Variants in TMEM266 observed in about 807,000 individuals in gnomAD.
TMEM266 encodes the protein transmembrane protein 266.
Under a neutral mutation model 50.5 loss-of-function variants are expected in TMEM266, and 33 were observed. That is an observed-to-expected ratio of 0.65 (90% CI 0.50 to 0.87). TMEM266 has a LOEUF of 0.87. Among genes scored for constraint, TMEM266 ranks in the 40% least tolerant of loss-of-function variants. The probability of loss-of-function intolerance (pLI) is 0.00; values close to 1 mark genes in which losing one functional copy is unlikely to be tolerated. For synonymous variants in TMEM266, 310 were observed against 292.3 expected (o/e 1.06, Z -0.62); for missense variants, 655 against 695.1 (o/e 0.94, Z 0.65).
chr15:76,121,178 G>A (rs2037338595), intron 1 of TMEM266, among the ~76,000 whole-genome samples: 1 of 152,160 alleles, frequency 6.6e-6, no homozygotes, highest in Non-Finnish European at 1.5e-5. Flanking sequence ...CCTCAAGAGA[G>A]GATGGAGCAG....
intron 9 of TMEM266, among the ~76,000 whole-genome samples, chr15:76,198,576 C>G (rs1214626003): frequency 1.2e-4 from 18 of 152,232 alleles, no homozygotes; most frequent in Admixed American, 1.2e-3. Context: ...CTCCATGGCT[C>G]CCTGGAGTAG....
chr15:76,148,638 C>T (rs574338928), intron 3 of TMEM266, among the ~76,000 whole-genome samples: 1 of 152,308 alleles, frequency 6.6e-6, no homozygotes, highest in African/African-American at 2.4e-5. Flanking sequence ...CTTTGTCCCC[C>T]CAAGAAGGGA....
At chr15:76,193,480 G>GA (rs1172944510) in intron 9 of TMEM266, among the ~76,000 whole-genome samples, 1 of 152,268 alleles carries the variant, frequency 6.6e-6, no homozygotes, top group African/African-American at 2.4e-5. Flanking sequence ...CTCAGCCATG[G>GA]AAAGTGCTAG....
chr15:76,105,975 A>G (rs1412024877), intron 1 of TMEM266, among the ~76,000 whole-genome samples: 1 of 152,174 alleles, frequency 6.6e-6, no homozygotes, highest in Non-Finnish European at 1.5e-5. Flanking sequence ...GGAAAGATCA[A>G]AGGTGGCCTC....
intron 1 of TMEM266, among the ~76,000 whole-genome samples, chr15:76,067,651 A>T (rs1168488728): frequency 9.2e-5 from 1 of 10,860 alleles, no homozygotes; most frequent in Non-Finnish European, 2.0e-4. Context: ...AAAAAAAAAG[A>T]AAAGAAAAGA....
At chr15:76,072,591 G>A (rs1442069594) in intron 1 of TMEM266, among the ~76,000 whole-genome samples, 1 of 152,036 alleles carries the variant, frequency 6.6e-6, no homozygotes, top group Non-Finnish European at 1.5e-5. Context: ...CCAATGATGG[G>A]ATTGGGCTCT....
chr15:76,202,197 T>G lies in TMEM266; in HGVS notation c.959-5T>G, dbSNP rs778496959. The G allele has an allele frequency of 7.4e-6, 12 of 1,613,290 alleles. No homozygotes were observed. Among genetic ancestry groups the G allele is most frequent in the Admixed American group, 1.7e-5 (1 of 59,966 alleles). On this transcript the variant is annotated splice_polypyrimidine_tract_variant and splice_region_variant and intron_variant, in intron 9 of 10. Transcript: ENST00000388942. ...ACTCACCCTTCTCTGTCCCCACCTCTGTAGAAGCCACGATGAAGGACGACA... is the reference window on the plus strand; with the variant it reads ...ACTCACCCTTCTCTGTCCCCACCTCGGTAGAAGCCACGATGAAGGACGACA...
chr15:76,187,317 A>G (rs2038502161), intron 8 of TMEM266, among the ~76,000 whole-genome samples: 5 of 152,184 alleles, frequency 3.3e-5, no homozygotes, highest in Admixed American at 3.3e-4. Context: ...GCAGCTCCAT[A>G]TCAATTACAA....
intron 7 of TMEM266, among the ~76,000 whole-genome samples, chr15:76,172,378 G>A (rs780862760): frequency 1.8e-4 from 27 of 152,214 alleles, no homozygotes; most frequent in Non-Finnish European, 4.0e-4. Flanking sequence ...TGGGATAGAT[G>A]CTATGGTCTT....
rs569614618 is a variant in TMEM266 at position 76,166,492 on chromosome 15, G to A, written c.457-3324G>A. ...TGGGCCAGCACAGAGGGAAGGCAGC[G>A]GCTGGGATTCTAGCTGTTTCACCTG... On this transcript the variant is annotated intron_variant, in intron 5 of 10. Coordinates refer to ENST00000388942, the MANE Select transcript of TMEM266 (RefSeq NM_152335.3). 6.6e-5 allele frequency among the ~76,000 whole-genome samples: 10 copies of A among 152,346 alleles called. No homozygotes were observed. In the East Asian group the frequency reaches 1.9e-3, roughly 29 times the overall value.
intron 9 of TMEM266, among the ~76,000 whole-genome samples, chr15:76,196,299 T>C (rs992022668): frequency 2.6e-5 from 4 of 152,192 alleles, no homozygotes; most frequent in Admixed American, 6.5e-5. Context: ...GGATACTGCC[T>C]GCCCCAGCCT....
chr15:76,073,685 A>G (rs1207763770), intron 1 of TMEM266, among the ~76,000 whole-genome samples: 1 of 152,264 alleles, frequency 6.6e-6, no homozygotes, highest in Non-Finnish European at 1.5e-5. Flanking sequence ...AAACCTTAGT[A>G]TATCTGAAAC....
intron 8 of TMEM266, among the ~76,000 whole-genome samples, chr15:76,189,607 T>C (rs1189811555): frequency 1.3e-5 from 2 of 152,066 alleles, no homozygotes; most frequent in Non-Finnish European, 2.9e-5. Context: ...GGGGGTGTAG[T>C]GTGAAGCTGA....
intron 4 of TMEM266, 78 bp downstream of exon 4, chr15:76,156,836 C>T: frequency 1.4e-6 from 2 of 1,466,874 alleles, no homozygotes; most frequent in African/African-American, 1.4e-5. Context: ...TCAGGGGTCC[C>T]CAACCTGCAG....
intron 3 of TMEM266, among the ~76,000 whole-genome samples, chr15:76,141,898 G>A (rs2037685259): frequency 6.6e-6 from 1 of 152,204 alleles, no homozygotes; most frequent in African/African-American, 2.4e-5. Flanking sequence ...GTTCATCCAT[G>A]TTGTAGCATG....
intron 1 of TMEM266, among the ~76,000 whole-genome samples, chr15:76,110,061 G>A (rs764049746): frequency 4.0e-5 from 6 of 151,662 alleles, no homozygotes; most frequent in South Asian, 2.1e-4. Context: ...GTGCAATGGC[G>A]CGATCTCAGC....
At position 76,069,825 on chromosome 15, in the gene TMEM266, A is replaced by G. The variant is rs943809438; in HGVS notation, c.-97+9809A>G. 9.0e-5 allele frequency among the ~76,000 whole-genome samples: 13 copies of G among 144,498 alleles called. No individual in the cohort carries two copies. The East Asian group carries it at 1.2e-3, about 13-fold the overall frequency. The allele number at this position is 144,498 out of a possible 152,430, so 94.8% of individuals were successfully genotyped here. A position where few individuals can be genotyped will look rare whatever the true frequency, so the allele number is the denominator to read the frequency against. ...CGAGTGAGGCTCTGTCTCAGAAAAG[A>G]AAAAAAAAAAAGAAACCTACCCTGA... On this transcript the variant is annotated intron_variant, in intron 1 of 10. Transcript: ENST00000388942.
intron 1 of TMEM266, among the ~76,000 whole-genome samples, chr15:76,115,407 T>C (rs2037231816): frequency 6.6e-6 from 1 of 152,228 alleles, no homozygotes; most frequent in African/African-American, 2.4e-5. Context: ...ACATCCCACC[T>C]AAATCAAAAC....
chr15:76,132,862 C>T (rs1421271597), intron 1 of TMEM266, among the ~76,000 whole-genome samples: 1 of 148,026 alleles, frequency 6.8e-6, no homozygotes. Flanking sequence ...TGGCCAGGCA[C>T]AGTGGCTCAC....
Sources: gnomAD v4.1 joint callset for allele counts (sites outside exome capture counted in the v4.1 genomes callset) on GRCh38, gnomAD v4.1.1 for gene constraint, MANE v1.5 for transcripts, NCBI Gene and HGNC (gene_info 2026-07-23, HGNC 2026-07-21) for gene names.